POLR2F: variants seen among roughly 807,000 people sequenced by gnomAD.
POLR2F encodes RNA polymerase II, I and III subunit F, also known as DNA-directed RNA polymerases I, II, and III subunit RPABC2.
In POLR2F, 12 loss-of-function variants were observed where a neutral mutation model predicts 22.7. That is an observed-to-expected ratio of 0.53 (90% CI 0.34 to 0.86). The LOEUF (loss-of-function observed/expected upper bound fraction) is 0.86. Among genes scored for constraint, POLR2F ranks in the 40% least tolerant of loss-of-function variants. The pLI, the probability that POLR2F is intolerant of heterozygous loss-of-function variation, is 0.02. For missense variants in POLR2F, 126 were observed against 171.5 expected (o/e 0.73, Z 1.48); for synonymous variants, 57 against 66.0 (o/e 0.86, Z 0.66).
chr22:37,960,712 T>C (rs1931600369), intron 3 of POLR2F, among the ~76,000 whole-genome samples: 1 of 150,328 alleles, frequency 6.7e-6, no homozygotes, highest in African/African-American at 2.5e-5. Context: ...TTTTTGTATT[T>C]TTAGTAGAGA....
intron 1 of POLR2F, among the ~76,000 whole-genome samples, chr22:38,003,305 C>T (rs2084791282): frequency 6.6e-6 from 1 of 151,894 alleles, no homozygotes; most frequent in Non-Finnish European, 1.5e-5. Context: ...CGGCTCACCA[C>T]AACCTCCGCC....
At chr22:38,022,349 C>T (rs943081272) in intron 1 of POLR2F, among the ~76,000 whole-genome samples, 7 of 151,524 alleles carry the variant, frequency 4.6e-5, no homozygotes, top group Non-Finnish European at 7.4e-5. Flanking sequence ...GTCAGGAGTT[C>T]GAGACCAGCC....
At chr22:38,041,235 A>C, downstream of POLR2F, 8 of 1,356,996 alleles carry the variant, frequency 5.9e-6, no homozygotes, top group South Asian at 1.4e-5. Flanking sequence ...AGACTGATGG[A>C]CCAGATGGCG....
At chr22:37,991,571 C>A (rs1388377929) in intron 1 of POLR2F, among the ~76,000 whole-genome samples, 1 of 152,136 alleles carries the variant, frequency 6.6e-6, no homozygotes, top group Non-Finnish European at 1.5e-5. Flanking sequence ...ATTTTTACCA[C>A]CTATTAACAT....
In POLR2F at chr22:37,999,839, A is replaced by G. The variant is rs567013629; in HGVS notation, c.120+13527A>G. On this transcript the variant is annotated intron_variant, in intron 1 of 2. Transcript: ENST00000333418. ...GTAACAGGTGTCAAGTGCCCGACAC[A>G]ATAGCCAACCACTGTGTGTTGTTAT... Among the ~76,000 whole-genome samples the G allele has an allele frequency of 1.5e-3, 234 of 152,300 alleles. 1 individual carries two copies. The highest frequency in any genetic ancestry group is 3.0e-3 in the Non-Finnish European group (203 of 68,006).
intron 3 of POLR2F, among the ~76,000 whole-genome samples, chr22:37,963,058 C>T (rs1427195943): frequency 6.6e-6 from 1 of 151,892 alleles, no homozygotes; most frequent in Non-Finnish European, 1.5e-5. Context: ...GTGATCTTGG[C>T]TCACTGCATC....
intron 1 of POLR2F, among the ~76,000 whole-genome samples, chr22:38,006,009 G>A (rs1467460280): frequency 6.6e-6 from 1 of 152,172 alleles, no homozygotes; most frequent in Non-Finnish European, 1.5e-5. Context: ...GACCACTTGA[G>A]GCCAGGAGTT....
At chr22:37,998,632 G>T (rs1403059533) in intron 1 of POLR2F, among the ~76,000 whole-genome samples, 1 of 152,194 alleles carries the variant, frequency 6.6e-6, no homozygotes, top group Middle Eastern at 3.2e-3. Flanking sequence ...TGGCCCTGTG[G>T]CCCTGGGCGT....
At chr22:37,970,060 G>A (rs1472519250), downstream of POLR2F, among the ~76,000 whole-genome samples, 3 of 152,202 alleles carry the variant, frequency 2.0e-5, no homozygotes, top group African/African-American at 7.2e-5. Flanking sequence ...TTGGGAGGCT[G>A]AGGTTGGCAG....
chr22:37,975,772 A>T (rs1932201650), intron 4 of POLR2F, among the ~76,000 whole-genome samples: 2 of 152,048 alleles, frequency 1.3e-5, no homozygotes, highest in South Asian at 4.2e-4. Flanking sequence ...TAGAGATTGT[A>T]CCAAGCAGCC....
At chr22:37,966,555 T>C (rs1314706728) in intron 3 of POLR2F, among the ~76,000 whole-genome samples, 3 of 152,090 alleles carry the variant, frequency 2.0e-5, no homozygotes, top group African/African-American at 7.2e-5. Flanking sequence ...GGCGGATTGC[T>C]TGAGCCCAGG....
At chr22:37,974,294 C>T (rs748070092), downstream of POLR2F, 5 of 914,462 alleles carry the variant, frequency 5.5e-6, no homozygotes, top group Admixed American at 4.2e-5. The surrounding 1 kb of genome is among the most constrained non-coding windows in gnomAD (Gnocchi z 5.4). Context: ...CTTCAGGCAG[C>T]GGGTGCCTCT....
intron 5 of POLR2F, chr22:38,040,299 A>AAAG (rs1214954726): frequency 6.6e-6 from 1 of 152,074 alleles, no homozygotes; most frequent in Non-Finnish European, 1.5e-5. Flanking sequence ...AAAAAAAAAA[A>AAAG]AAAAAAGAAA....
chr22:37,955,922 T>C (rs1479636562), intron 1 of POLR2F, among the ~76,000 whole-genome samples: 2 of 151,934 alleles, frequency 1.3e-5, no homozygotes, highest in Admixed American at 1.3e-4. Flanking sequence ...TGACCTCAAG[T>C]GATGCACCCA....
intron 1 of POLR2F, among the ~76,000 whole-genome samples, chr22:37,955,908 C>T (rs971179635): frequency 6.6e-6 from 1 of 151,774 alleles, no homozygotes; most frequent in African/African-American, 2.4e-5. Context: ...TGGTCTTGGA[C>T]TCCTGACCTC....
chr22:37,969,249 C>T lies in POLR2F; in HGVS notation c.*1534C>T. ...TCCCATTCTCCTCTTTTGGGGAGTC[C>T]CCTGCTATTCAGCTGTCTGGGCCTG... On this transcript the variant is annotated 3_prime_UTR_variant, in exon 5 of 5. Coordinates refer to ENST00000442738, the MANE Select transcript of POLR2F (RefSeq NM_021974.5). 2.1e-5 allele frequency: 21 copies of T among 984,986 alleles called. No individual in the cohort carries two copies. Among genetic ancestry groups the T allele is most frequent in the Non-Finnish European group, 2.5e-5 (21 of 829,608 alleles). The allele number at this position is 984,986 out of a possible 1,614,324, so 61.0% of individuals were successfully genotyped here. A position where few individuals can be genotyped will look rare whatever the true frequency, so the allele number is the denominator to read the frequency against.
intron 1 of POLR2F, among the ~76,000 whole-genome samples, chr22:38,000,086 A>G (rs975696984): frequency 1.3e-5 from 2 of 152,050 alleles, no homozygotes; most frequent in Non-Finnish European, 2.9e-5. Context: ...CGTCATTTCC[A>G]TATCTGGTGA....
In POLR2F at chr22:38,040,923, G is replaced by C. The variant is rs1481285991; in HGVS notation, c.453-145G>C. 3.0e-6 allele frequency: 4 copies of C among 1,319,660 alleles called. No individual in the cohort carries two copies. In the African/African-American group the frequency reaches 5.7e-5, roughly 19 times the overall value. 81.7% of individuals were successfully genotyped at this position (1,319,660 alleles called of 1,614,324 possible). On this transcript the variant is annotated intron_variant, in intron 5 of 5. Coordinates refer to the POLR2F transcript ENST00000407936. ...ATGGGGGCAAGGACCCTGGACAGGA[G>C]TGGTCAAGTCAGCCAGAGGAGAGAG... is the stretch of plus-strand genomic sequence containing the variant.
intron 1 of POLR2F, among the ~76,000 whole-genome samples, chr22:38,020,652 G>A (rs1015890224): frequency 7.9e-5 from 12 of 152,016 alleles, no homozygotes; most frequent in African/African-American, 2.9e-4. Context: ...TGAGGTGGGA[G>A]GCTTGCTTGA....
Sources: gnomAD v4.1 joint callset for allele counts (sites outside exome capture counted in the v4.1 genomes callset) on GRCh38, gnomAD v4.1.1 for gene constraint, Gnocchi (gnomAD v3.1) non-coding constraint, MANE v1.5 for transcripts, NCBI Gene and HGNC (gene_info 2026-07-23, HGNC 2026-07-21) for gene names.